Variants in CHD9 observed in about 807,000 individuals in gnomAD.
CHD9 encodes chromodomain helicase DNA binding protein 9.
In CHD9, 77 loss-of-function variants were observed where a neutral mutation model predicts 316.1. The observed-to-expected ratio is 0.24, with a 90% CI of 0.20 to 0.29. CHD9 has a LOEUF of 0.29. Ranked by LOEUF, CHD9 falls within the 10% of genes least tolerant of loss-of-function variation. The pLI is 1.00. For synonymous variants in CHD9, 1,129 were observed against 1,158.3 expected (o/e 0.97, Z 0.51); for missense variants, 2,763 against 3,438.1 (o/e 0.80, Z 4.91).
At chr16:53,171,920 C>T (rs2042782260) in intron 2 of CHD9, among the ~76,000 whole-genome samples, 1 of 150,920 alleles carries the variant, frequency 6.6e-6, no homozygotes, top group African/African-American at 2.4e-5. Flanking sequence ...AGTACCCCCT[C>T]ATCCCACCAA....
In CHD9 at chr16:53,268,112, T is replaced by C. The variant is rs1370482742; in HGVS notation, c.4703T>C (p.Leu1568Pro). The change falls in exon 22 of 39, where the codon CTA (leucine) becomes CCA (proline). Residue 1568 changes from leucine (L) to proline (P), a missense_variant. Transcript: ENST00000447540. ...ACTGAAGATGGACAGACACGAGAGCTACAGAATCATCTAGGTAAGAACATT... is the reference window on the plus strand; with the variant it reads ...ACTGAAGATGGACAGACACGAGAGCCACAGAATCATCTAGGTAAGAACATT... ...TPTEDGQTRELQNHLGLSAPV... is the reference protein window; with the variant it reads ...TPTEDGQTREPQNHLGLSAPV... 6.2e-7 allele frequency: 1 copy of C among 1,607,070 alleles called. No homozygotes were observed. The highest frequency in any genetic ancestry group is 8.5e-7 in the Non-Finnish European group (1 of 1,175,968).
intron 17 of CHD9, chr16:53,250,740 T>C (rs1297019792): frequency 2.6e-5 from 4 of 152,090 alleles, no homozygotes; most frequent in Non-Finnish European, 5.9e-5. Flanking sequence ...TGCAGAAGGA[T>C]ATGAGAAGAG....
At chr16:53,239,314 G>T (rs2048888480) in intron 12 of CHD9, among the ~76,000 whole-genome samples, 1 of 152,054 alleles carries the variant, frequency 6.6e-6, no homozygotes, top group African/African-American at 2.4e-5. Context: ...GCCAGGCATG[G>T]TGGCTCACAC....
chr16:53,222,647 A>C lies in CHD9; in HGVS notation c.1788A>C (p.Lys596Asn), dbSNP rs2047344196. The C allele has an allele frequency of 7.0e-7, 1 of 1,419,798 alleles. No homozygotes were observed. The highest frequency in any genetic ancestry group is 1.4e-5 in the African/African-American group (1 of 70,794). The allele number at this position is 1,419,798 out of a possible 1,614,324, so 88.0% of individuals were successfully genotyped here. Residue 596 changes from lysine to asparagine, a missense_variant, in exon 4 of 39, where the codon AAA becomes AAC. By Grantham distance (94) the Lys-to-Asn change is moderately conservative. This residue lies in a region of CHD9 where 859 missense variants were observed against 890.4 expected (regional missense o/e 0.96). Coordinates refer to ENST00000447540, the MANE Select transcript of CHD9 (RefSeq NM_001308319.2). ...SKLKEKTKIG[K>N]LIITLGKKQK... ...TATTCTTTTCCTCTTGAAACAGCAAACTCATTATTACATTGGGTAAGAAAC... is the reference window on the plus strand; with the variant it reads ...TATTCTTTTCCTCTTGAAACAGCAACCTCATTATTACATTGGGTAAGAAAC...
intron 2 of CHD9, among the ~76,000 whole-genome samples, chr16:53,175,786 C>G (rs2043059162): frequency 6.6e-6 from 1 of 152,186 alleles, no homozygotes; most frequent in Admixed American, 6.5e-5. Flanking sequence ...AAGTTCATGG[C>G]TTTACATATA....
At chr16:53,249,466 T>C (rs1257508936) in intron 16 of CHD9, among the ~76,000 whole-genome samples, 1 of 152,196 alleles carries the variant, frequency 6.6e-6, no homozygotes, top group Admixed American at 6.5e-5. Flanking sequence ...AGTATGTCAG[T>C]CGAGAGTAAC....
chr16:53,299,610 A>G, intron 30 of CHD9: 1 of 410,034 alleles, frequency 2.4e-6, no homozygotes, highest in East Asian at 7.0e-5. Flanking sequence ...CTTCATTGAA[A>G]ACAATGTGTC....
chr16:53,257,701 A>G (rs1336114041), intron 19 of CHD9, among the ~76,000 whole-genome samples: 2 of 152,186 alleles, frequency 1.3e-5, no homozygotes, highest in East Asian at 3.8e-4. Context: ...GGAGATGTCT[A>G]GGAGAGTTGC....
chr16:53,143,599 G>A (rs2040322870), intron 1 of CHD9, among the ~76,000 whole-genome samples: 1 of 151,940 alleles, frequency 6.6e-6, no homozygotes, highest in Admixed American at 6.6e-5. Context: ...ATGTTAGCCA[G>A]GATGGTCTCG....
intron 12 of CHD9, among the ~76,000 whole-genome samples, chr16:53,240,736 A>C (rs1400555641): frequency 6.6e-6 from 1 of 152,190 alleles, no homozygotes; most frequent in Non-Finnish European, 1.5e-5. Context: ...TGATAAACTA[A>C]TAACCACAAA....
intron 30 of CHD9, among the ~76,000 whole-genome samples, chr16:53,303,046 C>CTT (rs2055588854): frequency 6.6e-6 from 1 of 152,180 alleles, no homozygotes; most frequent in Non-Finnish European, 1.5e-5. Context: ...TGTCCTCTTA[C>CTT]CTTTTGCAGT....
At chr16:53,290,699 G>A (rs1344454410) in intron 27 of CHD9, among the ~76,000 whole-genome samples, 1 of 152,054 alleles carries the variant, frequency 6.6e-6, no homozygotes, top group African/African-American at 2.4e-5. Context: ...GATCGCTTGA[G>A]CCCGAAAGGT....
intron 27 of CHD9, among the ~76,000 whole-genome samples, chr16:53,288,553 G>A (rs2054081444): frequency 6.6e-6 from 1 of 152,174 alleles, no homozygotes; most frequent in African/African-American, 2.4e-5. Flanking sequence ...TTATGAGAGT[G>A]TGGTAAAAGG....
At chr16:53,111,289 G>C (rs1016707772) in intron 1 of CHD9, among the ~76,000 whole-genome samples, 1 of 152,094 alleles carries the variant, frequency 6.6e-6, no homozygotes, top group African/African-American at 2.4e-5. Context: ...GGAGGGTCGG[G>C]GAATCCCAGG....
In CHD9 at chr16:53,157,537, G is replaced by A. The variant is rs747835962; in HGVS notation, c.1448G>A (p.Arg483Gln). 13 of 1,610,120 alleles carry A rather than the reference G, an allele frequency of 8.1e-6. No individual in the cohort carries two copies. Among genetic ancestry groups the A allele is most frequent in the Admixed American group, 1.7e-5 (1 of 59,766 alleles). The change falls in exon 2 of 39, where the codon CGA (arginine) becomes CAA (glutamine). Residue 483 changes from arginine (R) to glutamine (Q), a missense_variant. By Grantham distance (43) the Arg-to-Gln change is conservative (BLOSUM62 1). Around this residue, in one of 15 missense-constraint regions of CHD9, gnomAD observed 859 missense variants for 890.4 expected, o/e 0.96. Coordinates refer to ENST00000447540, the MANE Select transcript of CHD9 (RefSeq NM_001308319.2). ...GACAGAAATCACCTATGTTTACAGCGACAGGTATGTAGCTCTTTGCTTTTA... is the reference window on the plus strand; with the variant it reads ...GACAGAAATCACCTATGTTTACAGCAACAGGTATGTAGCTCTTTGCTTTTA... ...LHDRNHLCLQRQPPSSKKSDG... is the reference protein window; with the variant it reads ...LHDRNHLCLQQQPPSSKKSDG...
intron 1 of CHD9, among the ~76,000 whole-genome samples, chr16:53,145,997 T>C (rs1230232081): frequency 2.6e-5 from 4 of 152,060 alleles, no homozygotes; most frequent in Non-Finnish European, 5.9e-5. Context: ...ATTGTACTTA[T>C]ATGAGTTGTC....
intron 1 of CHD9, among the ~76,000 whole-genome samples, chr16:53,113,693 GT>G (rs1220350901): frequency 6.6e-6 from 1 of 151,704 alleles, no homozygotes; most frequent in Non-Finnish European, 1.5e-5. Context: ...TTCTTTTTCT[GT>G]TTTGTTTTGT....
At chr16:53,216,382 A>T (rs2046764228) in intron 3 of CHD9, among the ~76,000 whole-genome samples, 1 of 152,178 alleles carries the variant, frequency 6.6e-6, no homozygotes, top group Non-Finnish European at 1.5e-5. Context: ...GGTAAATTTT[A>T]ATCTTTAAAA....
chr16:53,204,056 T>TAC (rs2045685723), intron 2 of CHD9, among the ~76,000 whole-genome samples: 2 of 111,448 alleles, frequency 1.8e-5, no homozygotes, highest in Non-Finnish European at 3.7e-5. Flanking sequence ...AAAATATATA[T>TAC]ATACACACAC....
Sources: allele counts gnomAD v4.1 joint callset (sites outside exome capture counted in the v4.1 genomes callset), GRCh38; gene constraint gnomAD v4.1.1; regional missense constraint gnomAD v4.1.1; transcripts MANE v1.5; gene names NCBI Gene and HGNC (gene_info 2026-07-23, HGNC 2026-07-21).